The following PALM2AKAP2 variants were observed in gnomAD, a reference collection of about 807,000 sequenced individuals.
PALM2AKAP2 encodes the protein PALM2-AKAP2 fusion protein.
Under a neutral mutation model 71.5 loss-of-function variants are expected in PALM2AKAP2, and 37 were observed. That is an observed-to-expected ratio of 0.52 (90% CI 0.40 to 0.68). The LOEUF is 0.68. Among genes scored for constraint, PALM2AKAP2 ranks in the 30% least tolerant of loss-of-function variants. The probability of loss-of-function intolerance (pLI) is 0.00; values close to 1 mark genes in which losing one functional copy is unlikely to be tolerated. For missense variants in PALM2AKAP2, 1,224 were observed against 1,191.8 expected (o/e 1.03, Z -0.40); for synonymous variants, 468 against 478.8 (o/e 0.98, Z 0.29).
upstream of PALM2AKAP2, chr9:110,048,485 T>G: frequency 1.8e-6 from 1 of 545,526 alleles, no homozygotes; most frequent in South Asian, 2.3e-5. Flanking sequence ...CTCCAGTCTC[T>G]GCATTCATTC....
chr9:109,753,443 T>C (rs537379687), intron 1 of PALM2AKAP2, among the ~76,000 whole-genome samples: 42 of 152,300 alleles, frequency 2.8e-4, no homozygotes, highest in South Asian at 8.3e-4. Flanking sequence ...AGGAAAGCCA[T>C]TGGAAACCTG....
chr9:110,034,218 C>T (rs756953743), intron 7 of PALM2AKAP2, among the ~76,000 whole-genome samples: 2 of 151,542 alleles, frequency 1.3e-5, no homozygotes, highest in African/African-American at 4.8e-5. Flanking sequence ...AGTGCAACGG[C>T]GTGATCTTGG....
chr9:109,657,816 G>C (rs916330542), intron 1 of PALM2AKAP2, among the ~76,000 whole-genome samples: 1 of 152,066 alleles, frequency 6.6e-6, no homozygotes, highest in Non-Finnish European at 1.5e-5. Context: ...TTGGGTCTCA[G>C]GATGTCAGGC....
chr9:109,923,760 G>T lies in PALM2AKAP2; in HGVS notation c.283G>T (p.Glu95Ter). 6.2e-7 allele frequency: 1 copy of T among 1,600,778 alleles called. No homozygotes were observed. The highest frequency in any genetic ancestry group is 8.5e-7 in the Non-Finnish European group (1 of 1,176,330). The change falls in exon 4 of 10, where the codon GAA becomes TAA. Residue 95 changes from glutamate to a stop codon, truncating the protein, a stop_gained. Transcript: ENST00000302798. LOFTEE classifies it high-confidence loss of function. Reference sequence around the variant, plus strand: ...GCTGGAGCAAGAAATACAAACGCTAGAAAGTGAAGAGTCCCAGATATCTGC... The same window carrying T: ...GCTGGAGCAAGAAATACAAACGCTATAAAGTGAAGAGTCCCAGATATCTGC...
At chr9:109,721,742 A>C (rs760821162) in intron 1 of PALM2AKAP2, among the ~76,000 whole-genome samples, 8 of 152,210 alleles carry the variant, frequency 5.3e-5, no homozygotes, top group Non-Finnish European at 8.8e-5. Flanking sequence ...TCTAGTGGAA[A>C]GCCTACATGG....
intron 6 of PALM2AKAP2, among the ~76,000 whole-genome samples, chr9:109,998,783 G>T (rs7020126): frequency 7.1e-6 from 1 of 141,384 alleles, no homozygotes; most frequent in African/African-American, 2.8e-5. Context: ...AAAAAAAAAA[G>T]GGGGGATAGT....
intron 3 of PALM2AKAP2, among the ~76,000 whole-genome samples, chr9:109,919,744 T>C (rs1830783380): frequency 6.7e-6 from 1 of 148,792 alleles, no homozygotes; most frequent in South Asian, 2.2e-4. Context: ...TATGTGTGTG[T>C]GTGTGTGTGT....
chr9:110,136,182 A>G lies in PALM2AKAP2; in HGVS notation c.212A>G (p.Tyr71Cys). 4 of 1,612,086 alleles carry G rather than the reference A, an allele frequency of 2.5e-6. No individual in the cohort carries two copies. The highest frequency in any genetic ancestry group is 1.7e-6 in the Non-Finnish European group (2 of 1,179,128). Residue 71 changes from tyrosine (Y) to cysteine (C), a missense_variant, in exon 2 of 4, where the codon TAT (tyrosine) becomes TGT (cysteine). Coordinates refer to ENST00000374525, the Ensembl canonical transcript of PALM2AKAP2. ...TGGCTAAAAAGCGAGGGAGACAACT[A>G]TAGTGCCACCCTCCTGGAGCCTGCT...
At chr9:110,066,855 T>A (rs1357166804) in intron 1 of PALM2AKAP2, among the ~76,000 whole-genome samples, 1 of 152,204 alleles carries the variant, frequency 6.6e-6, no homozygotes, top group East Asian at 1.9e-4. Flanking sequence ...TACTCTTTAG[T>A]ATCTGTTTGC....
intron 1 of PALM2AKAP2, among the ~76,000 whole-genome samples, chr9:109,683,935 A>G (rs1827774077): frequency 6.6e-6 from 1 of 152,198 alleles, no homozygotes; most frequent in African/African-American, 2.4e-5. Context: ...ACAGTTGAAA[A>G]AAATGAGATA....
At chr9:109,826,332 T>C (rs1416878601) in intron 1 of PALM2AKAP2, among the ~76,000 whole-genome samples, 2 of 152,092 alleles carry the variant, frequency 1.3e-5, no homozygotes, top group African/African-American at 4.8e-5. Flanking sequence ...ACCTGCACGT[T>C]GTGCACATGT....
At chr9:109,842,708 G>A (rs762801073) in intron 1 of PALM2AKAP2, among the ~76,000 whole-genome samples, 37 of 152,158 alleles carry the variant, frequency 2.4e-4, no homozygotes, top group Non-Finnish European at 4.7e-4. Flanking sequence ...ACAAGAAGTC[G>A]GCCCAAGAAG....
intron 1 of PALM2AKAP2, among the ~76,000 whole-genome samples, chr9:109,833,389 C>T (rs1828365439): frequency 6.6e-6 from 1 of 152,028 alleles, no homozygotes. Flanking sequence ...CATGAAGTTC[C>T]CAACCATGTG....
chr9:109,905,582 A>G (rs1243107227), intron 3 of PALM2AKAP2, among the ~76,000 whole-genome samples: 1 of 152,248 alleles, frequency 6.6e-6, no homozygotes, highest in Non-Finnish European at 1.5e-5. Flanking sequence ...ATGCTGACTC[A>G]GTTTCTCAGC....
At chr9:109,787,147 G>A (rs917459827) in intron 1 of PALM2AKAP2, among the ~76,000 whole-genome samples, 1 of 152,220 alleles carries the variant, frequency 6.6e-6, no homozygotes, top group Non-Finnish European at 1.5e-5. Flanking sequence ...CCTGGCGCAA[G>A]TCCTGGCCTT....
intron 1 of PALM2AKAP2, among the ~76,000 whole-genome samples, chr9:109,780,816 G>T (rs10980036): frequency 0.011 from 1,720 of 152,262 alleles, 11 homozygotes; most frequent in East Asian, 0.025. Flanking sequence ...GGCTTGGGGT[G>T]GGGGGACGAC....
At chr9:110,154,292 C>T (rs1327487581) in intron 2 of PALM2AKAP2, among the ~76,000 whole-genome samples, 1 of 152,152 alleles carries the variant, frequency 6.6e-6, no homozygotes, top group African/African-American at 2.4e-5. Context: ...GTAACTTGCC[C>T]AAAGTGATTT....
At chr9:110,135,217 G>A (rs190749722) in intron 1 of PALM2AKAP2, among the ~76,000 whole-genome samples, 13 of 107,386 alleles carry the variant, frequency 1.2e-4, no homozygotes, top group African/African-American at 4.0e-4. Context: ...GGCACACACC[G>A]GTAGTCCCAG....
rs563232765 is a variant in PALM2AKAP2, at chr9:109,797,927, A to C, written c.45+17394A>C. On this transcript the variant is annotated intron_variant, in intron 1 of 9. Coordinates refer to the PALM2AKAP2 transcript ENST00000302798. ...TAGATTGTTATAAAGGTTCTGTATT[A>C]GTTTTCCAGGGCTGTTATAATAAAG... Among the ~76,000 whole-genome samples the C allele has an allele frequency of 2.6e-5, 4 of 152,270 alleles. No individual in the cohort carries two copies. In the South Asian group the frequency reaches 8.3e-4, roughly 32 times the overall value.
Sources: allele counts gnomAD v4.1 joint callset (sites outside exome capture counted in the v4.1 genomes callset), GRCh38; gene constraint gnomAD v4.1.1; transcripts MANE v1.5; gene names NCBI Gene and HGNC (gene_info 2026-07-23, HGNC 2026-07-21).